The following DNMBP variants were observed in gnomAD, a reference collection of about 807,000 sequenced individuals.
The protein encoded by DNMBP is dynamin binding protein, also known as dynamin-binding protein.
A neutral mutation model predicts 150.0 loss-of-function variants in DNMBP; 87 were observed. The observed-to-expected ratio is 0.58, with a 90% confidence interval of 0.49 to 0.69. DNMBP has a LOEUF of 0.69. Among genes scored for constraint, DNMBP ranks in the 30% least tolerant of loss-of-function variants. The pLI is 0.00. For synonymous variants in DNMBP, 711 were observed against 750.4 expected (o/e 0.95, Z 0.86); for missense variants, 1,774 against 1,949.0 (o/e 0.91, Z 1.69).
At chr10:99,898,338 G>T in intron 8 of DNMBP, 53 bp from the exon 9 acceptor site, 1 of 1,483,390 alleles carries the variant, frequency 6.7e-7, no homozygotes, top group Non-Finnish European at 9.4e-7. Flanking sequence ...ATAGCGCCCA[G>T]CCTGGGAACA....
At chr10:99,946,708 A>C (rs898005521) in intron 4 of DNMBP, among the ~76,000 whole-genome samples, 6 of 152,156 alleles carry the variant, frequency 3.9e-5, no homozygotes, top group African/African-American at 1.4e-4. Flanking sequence ...GGCAACCTGC[A>C]ACAAAAACAA....
At chr10:99,990,208 G>T (rs1373316531) in intron 1 of DNMBP, among the ~76,000 whole-genome samples, 1 of 152,058 alleles carries the variant, frequency 6.6e-6, no homozygotes, top group Non-Finnish European at 1.5e-5. Context: ...TGTTTTTTGG[G>T]CAATTAGCGG....
intron 4 of DNMBP, among the ~76,000 whole-genome samples, chr10:99,909,836 A>C (rs2039878605): frequency 6.6e-6 from 1 of 152,246 alleles, no homozygotes; most frequent in African/African-American, 2.4e-5. Context: ...ATTTTCAAGT[A>C]TAAGAATCTC....
chr10:99,879,457 C>CAA (rs113097774), intron 16 of DNMBP, among the ~76,000 whole-genome samples: 2 of 145,646 alleles, frequency 1.4e-5, no homozygotes, highest in African/African-American at 5.0e-5. Context: ...ACAAACTCCT[C>CAA]AAAAAAAAAA....
At chr10:99,881,090 T>G (rs2039360422) in intron 15 of DNMBP, among the ~76,000 whole-genome samples, 1 of 152,032 alleles carries the variant, frequency 6.6e-6, no homozygotes, top group Admixed American at 6.6e-5. Flanking sequence ...TAGCCGGATG[T>G]GGTGGTGCGC....
chr10:99,934,775 T>C (rs1393236285), intron 4 of DNMBP, among the ~76,000 whole-genome samples: 2 of 126,294 alleles, frequency 1.6e-5, no homozygotes, highest in East Asian at 2.1e-4. Flanking sequence ...ATGGTGGGAA[T>C]TGGACCAGGG....
intron 1 of DNMBP, among the ~76,000 whole-genome samples, chr10:99,980,234 C>G (rs1382290389): frequency 3.3e-5 from 5 of 152,144 alleles, no homozygotes; most frequent in African/African-American, 7.2e-5. Context: ...CATCCGAGGT[C>G]AGGAGTTCAA....
At chr10:99,980,619 C>T (rs2040772032) in intron 1 of DNMBP, among the ~76,000 whole-genome samples, 1 of 151,048 alleles carries the variant, frequency 6.6e-6, no homozygotes, top group South Asian at 2.1e-4. Flanking sequence ...ATAGTGAGAA[C>T]CCAACTCTAC....
At chr10:99,998,398 T>G (rs1193741901) in intron 1 of DNMBP, among the ~76,000 whole-genome samples, 1 of 151,670 alleles carries the variant, frequency 6.6e-6, no homozygotes, top group Middle Eastern at 3.2e-3. Context: ...GGCAACATGG[T>G]GAAACCCTGT....
At chr10:99,879,084 C>CTAAAAAAAAAAA (rs761402438) in intron 16 of DNMBP, among the ~76,000 whole-genome samples, 1 of 62,404 alleles carries the variant, frequency 1.6e-5, no homozygotes, top group Non-Finnish European at 2.8e-5. Context: ...GACTCTGTCT[C>CTAAAAAAAAAAA]AAAAAAAAAA....
intron 14 of DNMBP, 82 bp from the exon 15 acceptor site, chr10:99,884,291 C>G (rs1016255238): frequency 2.3e-6 from 3 of 1,279,956 alleles, no homozygotes; most frequent in Non-Finnish European, 3.3e-6. Flanking sequence ...TGGCCAGTCT[C>G]AGAAATGAGG....
intron 4 of DNMBP, among the ~76,000 whole-genome samples, chr10:99,950,067 G>A (rs2040401263): frequency 6.6e-6 from 1 of 152,122 alleles, no homozygotes; most frequent in African/African-American, 2.4e-5. Context: ...TGTTGTGGGA[G>A]GGACCTGGTA....
chr10:99,895,002 C>T lies in DNMBP; in HGVS notation c.3100G>A (p.Glu1034Lys), dbSNP rs2039630565. The change falls in exon 11 of 17, where the codon GAA becomes AAA. Residue 1034 changes from glutamate (E) to lysine (K), a missense_variant. Physicochemically the swap from Glu to Lys is moderately conservative, Grantham distance 56. Coordinates refer to ENST00000324109, the MANE Select transcript of DNMBP (RefSeq NM_015221.4). ...CGGATAAAAGACTTAATCAATCTTT[C>T]TTGCATTCGGAAGTTTTTTTCTGTT... Reference protein sequence around the residue: ...EETEKNFRMQERLIKSFIRDL... With the variant: ...EETEKNFRMQKRLIKSFIRDL... 3.1e-6 allele frequency: 5 copies of T among 1,613,770 alleles called. No homozygotes were observed. The highest frequency in any genetic ancestry group is 8.5e-7 in the Non-Finnish European group (1 of 1,179,964).
intron 3 of DNMBP, chr10:99,958,256 GCCATT>G (rs2040522545): frequency 6.6e-6 from 1 of 152,162 alleles, no homozygotes; most frequent in African/African-American, 2.4e-5. Context: ...TTTTAAAAAA[GCCATT>G]TTCAGTTAAG....
At chr10:99,988,671 TA>T (rs1460156267) in intron 1 of DNMBP, among the ~76,000 whole-genome samples, 1 of 152,172 alleles carries the variant, frequency 6.6e-6, no homozygotes, top group East Asian at 1.9e-4. Context: ...TTTATTTATT[TA>T]TTTATTTGAG....
intron 12 of DNMBP, among the ~76,000 whole-genome samples, chr10:99,888,214 G>GTT (rs151151446): frequency 0.13 from 19,402 of 149,668 alleles, 1,841 homozygotes; most frequent in African/African-American, 0.26. Context: ...TTGTTTGTTT[G>GTT]TTTGTTTTTG....
At chr10:99,979,857 G>A (rs937302467) in intron 1 of DNMBP, among the ~76,000 whole-genome samples, 4 of 152,274 alleles carry the variant, frequency 2.6e-5, no homozygotes, top group East Asian at 1.9e-4. Context: ...CCATCCAAAC[G>A]AAATGTCTCA....
Position 99,941,630 on chromosome 10 carries a change from G to A in DNMBP, c.2260+13584C>T, listed in dbSNP as rs575204588. Among the ~76,000 whole-genome samples, 29 of 152,134 alleles carry A rather than the reference G, an allele frequency of 1.9e-4. No individual in the cohort carries two copies. In the South Asian group the frequency reaches 5.0e-3, roughly 26 times the overall value. On this transcript the variant is annotated intron_variant, in intron 4 of 16. Transcript: ENST00000324109. ...ATTACAGGCATGTGCCACCATGCCC[G>A]GCTAATTTTGTATTTTTAGTAGAGA...
Position 99,877,327 on chromosome 10 carries a change from C to A in DNMBP, c.4558G>T (p.Ala1520Ser), listed in dbSNP as rs1459537191. 6.2e-7 allele frequency: 1 copy of A among 1,609,448 alleles called. No homozygotes were observed. Among genetic ancestry groups the A allele is most frequent in the Admixed American group, 1.7e-5 (1 of 59,202 alleles). ...SEAEGNQVYF[A>S]VYTFKARNPN... ...TTTCGTGCCTTGAAGGTGTAGACAG[C>A]AAAATAGACCTGTGTGAGGGAGAGA... Residue 1520 changes from alanine (A) to serine (S), a missense_variant, in exon 17 of 17, where the codon GCT becomes TCT. Physicochemically the swap from Ala to Ser is moderately conservative, Grantham distance 99. Coordinates refer to ENST00000324109, the MANE Select transcript of DNMBP (RefSeq NM_015221.4).
Sources: gnomAD v4.1 joint callset for allele counts (sites outside exome capture counted in the v4.1 genomes callset) on GRCh38, gnomAD v4.1.1 for gene constraint, MANE v1.5 for transcripts, NCBI Gene and HGNC (gene_info 2026-07-23, HGNC 2026-07-21) for gene names.